CADPS2: variants seen among roughly 807,000 people sequenced by gnomAD.
CADPS2 encodes the protein calcium dependent secretion activator 2, also known as calcium-dependent secretion activator 2.
CADPS2 carries 93 observed loss-of-function variants against 172.5 expected under a neutral mutation model. The observed-to-expected ratio is 0.54, with a 90% CI of 0.46 to 0.64. The LOEUF is 0.64. Ranked by LOEUF, CADPS2 falls within the 30% of genes least tolerant of loss-of-function variation. CADPS2 has a pLI of 0.00. For synonymous variants in CADPS2, 546 were observed against 555.2 expected (o/e 0.98, Z 0.23); for missense variants, 1,420 against 1,565.9 (o/e 0.91, Z 1.57).
chr7:122,359,567 ATG>A (rs2039866890), intron 27 of CADPS2, among the ~76,000 whole-genome samples: 1 of 152,150 alleles, frequency 6.6e-6, no homozygotes, highest in Non-Finnish European at 1.5e-5. Context: ...AACAAAAACT[ATG>A]TGTGTTACAA....
intron 17 of CADPS2, among the ~76,000 whole-genome samples, chr7:122,419,754 A>G (rs1353419648): frequency 6.6e-6 from 1 of 152,166 alleles, no homozygotes; most frequent in East Asian, 1.9e-4. Flanking sequence ...ATATGTGTAT[A>G]ACATGTTTTT....
intron 8 of CADPS2, among the ~76,000 whole-genome samples, chr7:122,540,155 A>C (rs2062772375): frequency 6.6e-6 from 1 of 152,118 alleles, no homozygotes; most frequent in Non-Finnish European, 1.5e-5. Flanking sequence ...ATGTGGTATC[A>C]ACAGAATTTA....
intron 25 of CADPS2, among the ~76,000 whole-genome samples, chr7:122,364,013 C>A (rs1351109135): frequency 6.6e-6 from 1 of 152,152 alleles, no homozygotes; most frequent in Non-Finnish European, 1.5e-5. Context: ...AGGAGGAAGG[C>A]TTTAAACACA....
chr7:122,704,143 A>C (rs2136343713), intron 2 of CADPS2, among the ~76,000 whole-genome samples: 1 of 152,260 alleles, frequency 6.6e-6, no homozygotes, highest in Middle Eastern at 3.4e-3. Flanking sequence ...TGAACATTTA[A>C]TCATAGACAT....
chr7:122,489,584 C>A (rs1326793768), intron 11 of CADPS2, among the ~76,000 whole-genome samples: 2 of 151,912 alleles, frequency 1.3e-5, no homozygotes, highest in Non-Finnish European at 2.9e-5. Flanking sequence ...CTTTAAGGTA[C>A]AAGGGGAAAA....
intron 7 of CADPS2, among the ~76,000 whole-genome samples, chr7:122,575,150 A>G (rs908653915): frequency 2.0e-5 from 3 of 151,168 alleles, no homozygotes; most frequent in African/African-American, 4.9e-5. Flanking sequence ...ACTAATTTGG[A>G]TGCTTAAAAA....
chr7:122,690,707 A>G (rs1456187493), intron 2 of CADPS2, among the ~76,000 whole-genome samples: 2 of 152,050 alleles, frequency 1.3e-5, no homozygotes, highest in African/African-American at 4.8e-5. Flanking sequence ...TAACTTTCAC[A>G]TAATTAACAA....
intron 1 of CADPS2, among the ~76,000 whole-genome samples, chr7:122,822,269 T>C (rs558879607): frequency 7.6e-4 from 115 of 152,166 alleles, no homozygotes; most frequent in African/African-American, 2.6e-3. Context: ...GTTATTCCAT[T>C]TAATTTCTCA....
At chr7:122,749,973 AAAAG>A (rs1451238734) in intron 1 of CADPS2, among the ~76,000 whole-genome samples, 2 of 151,952 alleles carry the variant, frequency 1.3e-5, no homozygotes, top group African/African-American at 2.4e-5. Context: ...AAAAAAAAAA[AAAAG>A]AAAAAGAGAG....
At chr7:122,361,850 G>C (rs1228319014) in intron 25 of CADPS2, among the ~76,000 whole-genome samples, 1 of 152,028 alleles carries the variant, frequency 6.6e-6, no homozygotes, top group African/African-American at 2.4e-5. Flanking sequence ...AAGGTGGGCG[G>C]ATCGCCTGAG....
chr7:122,709,497 A>G (rs4596589), intron 2 of CADPS2, among the ~76,000 whole-genome samples: 150,690 of 151,714 alleles, frequency 0.99, 74,842 homozygotes, highest in Middle Eastern at 1. Context: ...AAGCCAGTGC[A>G]GCGATTCCTC....
At chr7:122,728,696 G>A (rs936929333) in intron 2 of CADPS2, among the ~76,000 whole-genome samples, 3 of 151,428 alleles carry the variant, frequency 2.0e-5, no homozygotes, top group Admixed American at 6.6e-5. Context: ...GCAACTGGAG[G>A]GAGCTTTGTT....
At chr7:122,775,088 T>A (rs73439722) in intron 1 of CADPS2, among the ~76,000 whole-genome samples, 2 of 152,194 alleles carry the variant, frequency 1.3e-5, no homozygotes. Flanking sequence ...AGTTGCTAGG[T>A]TGTTTTGTGT....
At chr7:122,808,466 G>C (rs1483150976) in intron 1 of CADPS2, among the ~76,000 whole-genome samples, 1 of 152,174 alleles carries the variant, frequency 6.6e-6, no homozygotes. Context: ...TAATACACAA[G>C]ATAACAGTTT....
At chr7:122,336,761 C>T (rs2035921040) in intron 28 of CADPS2, among the ~76,000 whole-genome samples, 1 of 152,194 alleles carries the variant, frequency 6.6e-6, no homozygotes, top group East Asian at 1.9e-4. Flanking sequence ...TGTCACCTTC[C>T]ATTCATCAAA....
chr7:122,350,405 G>T (rs371996213), intron 27 of CADPS2, among the ~76,000 whole-genome samples: 1 of 151,846 alleles, frequency 6.6e-6, no homozygotes, highest in African/African-American at 2.4e-5. Flanking sequence ...TAATGCTCTG[G>T]CATTTATCAA....
intron 1 of CADPS2, chr7:122,850,261 G>A: frequency 1.1e-6 from 1 of 899,520 alleles, no homozygotes; most frequent in Non-Finnish European, 1.5e-6. Context: ...CTGCTCCACT[G>A]GGGGCCCCAG....
intron 5 of CADPS2, among the ~76,000 whole-genome samples, chr7:122,619,469 A>G (rs1472113082): frequency 6.6e-6 from 1 of 151,796 alleles, no homozygotes; most frequent in Non-Finnish European, 1.5e-5. Context: ...CAAAAAAAAA[A>G]AAAAAAATTT....
intron 23 of CADPS2, among the ~76,000 whole-genome samples, chr7:122,388,023 T>G (rs1049675274): frequency 6.7e-6 from 1 of 149,338 alleles, no homozygotes; most frequent in Non-Finnish European, 1.5e-5. Context: ...GCAAAGCTGA[T>G]TTTTTAAAAC....
Sources: allele counts gnomAD v4.1 joint callset (sites outside exome capture counted in the v4.1 genomes callset), GRCh38; gene constraint gnomAD v4.1.1; transcripts MANE v1.5; gene names NCBI Gene and HGNC (gene_info 2026-07-23, HGNC 2026-07-21).